The following B3GALNT2 variants were observed in gnomAD, a reference collection of about 807,000 sequenced individuals.
B3GALNT2 encodes the protein UDP-GalNAc:beta-1,3-N-acetylgalactosaminyltransferase 2.
A neutral mutation model predicts 61.1 loss-of-function variants in B3GALNT2; 53 were observed. The observed-to-expected ratio is 0.87, with a 90% CI of 0.70 to 1.09. The LOEUF (loss-of-function observed/expected upper bound fraction) is 1.09, where lower values mean the gene tolerates loss of function less well. B3GALNT2 is among the 50% of genes least tolerant of loss of function. The pLI is 0.00. For missense variants in B3GALNT2, 544 were observed against 623.0 expected (o/e 0.87, Z 1.35); for synonymous variants, 223 against 237.4 (o/e 0.94, Z 0.56).
At position 235,489,319 on chromosome 1, in the gene B3GALNT2, T is replaced by C. The variant is rs368222500; in HGVS notation, c.261-51A>G. ...CAGTTACTGATCTTCACCTCGCACA[T>C]GCACGTTTCCTCATGCCCATTTCAG... On this transcript the variant is annotated intron_variant, in intron 2 of 11. Transcript: ENST00000366600. 8.7e-5 allele frequency: 139 copies of C among 1,605,938 alleles called. 1 individual carries two copies. Among genetic ancestry groups the C allele is most frequent in the Middle Eastern group, 1.6e-4 (1 of 6,062 alleles).
In B3GALNT2 at chr1:235,458,717, T is replaced by C. The variant is rs1683279731; in HGVS notation, c.911A>G (p.His304Arg). 6.2e-7 allele frequency: 1 copy of C among 1,613,160 alleles called. No homozygotes were observed. Among genetic ancestry groups the C allele is most frequent in the South Asian group, 1.1e-5 (1 of 90,824 alleles). The change falls in exon 8 of 12, where the codon CAT becomes CGT. Residue 304 changes from histidine to arginine, a missense_variant. By Grantham distance (29) the His-to-Arg change is conservative. Coordinates refer to ENST00000366600, the MANE Select transcript of B3GALNT2 (RefSeq NM_152490.5). ...CTCCTTCAGTAAGGCATCTTCCTCA[T>C]GGAGATTCCTTATATGATCAATAAG... ...QRLIDHIRNLHEEDALLKEES... is the reference protein window; with the variant it reads ...QRLIDHIRNLREEDALLKEES...
chr1:235,454,911 C>T (rs1022678027), intron 9 of B3GALNT2, among the ~76,000 whole-genome samples: 4 of 152,162 alleles, frequency 2.6e-5, no homozygotes, highest in African/African-American at 9.7e-5. Context: ...AACCAAATCA[C>T]TAATCCATAT....
intron 3 of B3GALNT2, among the ~76,000 whole-genome samples, chr1:235,486,935 G>A (rs1245219548): frequency 1.3e-5 from 2 of 152,088 alleles, no homozygotes; most frequent in African/African-American, 2.4e-5. Flanking sequence ...TTGGGAGGCT[G>A]AGGGGGGTGG....
chr1:235,491,954 C>T (rs757153049), intron 2 of B3GALNT2, among the ~76,000 whole-genome samples: 9 of 152,126 alleles, frequency 5.9e-5, no homozygotes, highest in African/African-American at 1.2e-4. Flanking sequence ...TCAAACACCC[C>T]GGGCTATTTT....
At chr1:235,480,174 G>A (rs1558429937) in intron 4 of B3GALNT2, 25 bp from the exon 5 acceptor site, 3 of 1,610,004 alleles carry the variant, frequency 1.9e-6, no homozygotes, top group Admixed American at 1.7e-5. Flanking sequence ...AAAAAGACAA[G>A]AAAAAATACT....
At chr1:235,488,792 G>C (rs536790223) in intron 3 of B3GALNT2, among the ~76,000 whole-genome samples, 1 of 150,392 alleles carries the variant, frequency 6.6e-6, no homozygotes, top group South Asian at 2.1e-4. Context: ...GGTGGCTCAT[G>C]CCTGCAATCC....
chr1:235,494,482 G>C (rs528681753), intron 2 of B3GALNT2, among the ~76,000 whole-genome samples, 199 bp downstream of exon 2: 1 of 151,610 alleles, frequency 6.6e-6, no homozygotes, highest in South Asian at 2.1e-4. Context: ...ATTAGGCAGG[G>C]ACTCATTCCC....
At chr1:235,491,021 GT>G (rs1685040162) in intron 2 of B3GALNT2, among the ~76,000 whole-genome samples, 1 of 150,514 alleles carries the variant, frequency 6.6e-6, no homozygotes, top group Non-Finnish European at 1.5e-5. Flanking sequence ...TAGAGAAAAT[GT>G]TGATAATGCA....
Position 235,448,214 on chromosome 1 carries a change from CAG to C in B3GALNT2, c.*1990_*1991del. 1 of 686,072 alleles carries C rather than the reference CAG, an allele frequency of 1.5e-6. No individual in the cohort carries two copies. The highest frequency in any genetic ancestry group is 2.4e-6 in the Non-Finnish European group (1 of 411,366). The allele number at this position is 686,072 out of a possible 1,614,324, so 42.5% of individuals were successfully genotyped here. On this transcript the variant is annotated 3_prime_UTR_variant, in exon 12 of 12. Transcript: ENST00000366600. ...GACTTACTTAAGTAAGTAAGTAAGT[CAG>C]TCTCAAAAAAAAAAAAAAAAAAAAG... is the stretch of plus-strand genomic sequence containing the variant.
chr1:235,474,436 T>C (rs756825933), intron 5 of B3GALNT2, among the ~76,000 whole-genome samples: 1 of 152,194 alleles, frequency 6.6e-6, no homozygotes, highest in Non-Finnish European at 1.5e-5. Flanking sequence ...GTAGCTTAAA[T>C]ATATACAGTA....
chr1:235,504,104 C>A (rs575037876), intron 1 of B3GALNT2, 37 bp downstream of exon 1: 397 of 1,209,260 alleles, frequency 3.3e-4, no homozygotes, highest in Middle Eastern at 6.5e-4. Context: ...TCCCACCCCC[C>A]CGGCGGCCGC....
chr1:235,492,778 G>C (rs1367561908), intron 2 of B3GALNT2, among the ~76,000 whole-genome samples: 1 of 152,210 alleles, frequency 6.6e-6, no homozygotes, highest in Non-Finnish European at 1.5e-5. Context: ...GTCTGCTAGA[G>C]TGACATCTAA....
At chr1:235,444,954 C>A (rs1430470556), downstream of B3GALNT2, among the ~76,000 whole-genome samples, 2 of 152,232 alleles carry the variant, frequency 1.3e-5, no homozygotes, top group African/African-American at 4.8e-5. Context: ...GGTGACAGTG[C>A]CGCCTTACCC....
chr1:235,500,830 G>A (rs1056618882), intron 1 of B3GALNT2, among the ~76,000 whole-genome samples: 7 of 152,190 alleles, frequency 4.6e-5, no homozygotes, highest in Admixed American at 3.9e-4. Flanking sequence ...ATAAGTCTAT[G>A]AGATCATCAT....
rs1467240547 is a variant in B3GALNT2 at position 235,448,703 on chromosome 1, C to A, written c.*1503G>T. 6.2e-7 allele frequency: 1 copy of A among 1,614,034 alleles called. No homozygotes were observed. Among genetic ancestry groups the A allele is most frequent in the South Asian group, 1.1e-5 (1 of 91,072 alleles). On this transcript the variant is annotated 3_prime_UTR_variant, in exon 12 of 12. Coordinates refer to ENST00000366600, the MANE Select transcript of B3GALNT2 (RefSeq NM_152490.5). The stretch of plus-strand genomic sequence containing the variant: ...CAGAGAAATCGAGCTGGAAAATGAC[C>A]TAAAGTCATTACAGTTTTATTCTGT...
chr1:235,480,208 A>G, intron 4 of B3GALNT2, 59 bp from the exon 5 acceptor site: 3 of 1,589,176 alleles, frequency 1.9e-6, no homozygotes, highest in Non-Finnish European at 1.7e-6. Context: ...TGCATATGCA[A>G]AAAGTTTTCA....
chr1:235,504,450 C>T lies in B3GALNT2; in HGVS notation c.-198G>A, dbSNP rs1211367207. The T allele has an allele frequency of 1.2e-5, 6 of 511,550 alleles. No homozygotes were observed. The highest frequency in any genetic ancestry group is 1.9e-5 in the Non-Finnish European group (6 of 310,326). 31.7% of individuals were successfully genotyped at this position (511,550 alleles called of 1,614,324 possible). ...TCCCTCAGACCGCGGGTGGCCGCGG[C>T]TTAGCCGGCCGAAGCCCCGCCCCCT... On this transcript the variant is annotated 5_prime_UTR_variant, in exon 1 of 12. Transcript: ENST00000366600.
At chr1:235,460,078 C>G (rs945035192) in intron 7 of B3GALNT2, among the ~76,000 whole-genome samples, 1 of 150,478 alleles carries the variant, frequency 6.6e-6, no homozygotes, top group Admixed American at 6.7e-5. Flanking sequence ...CAGGCGTGAG[C>G]CACTGCACCA....
intron 1 of B3GALNT2, among the ~76,000 whole-genome samples, chr1:235,496,980 C>G (rs984858823): frequency 6.6e-6 from 1 of 152,224 alleles, no homozygotes; most frequent in African/African-American, 2.4e-5. Context: ...AGCTATACAG[C>G]TTAATATAGC....
Sources: gnomAD v4.1 joint callset for allele counts (sites outside exome capture counted in the v4.1 genomes callset) on GRCh38, gnomAD v4.1.1 for gene constraint, MANE v1.5 for transcripts, NCBI Gene and HGNC (gene_info 2026-07-23, HGNC 2026-07-21) for gene names.